SLC4A4: variants seen among roughly 807,000 people sequenced by gnomAD.
SLC4A4 encodes electrogenic sodium bicarbonate cotransporter 1.
SLC4A4 carries 27 observed loss-of-function variants against 111.5 expected under a neutral mutation model. The observed-to-expected ratio is 0.24, with a 90% CI of 0.18 to 0.33. SLC4A4 has a LOEUF of 0.33. SLC4A4 is among the 10% of genes least tolerant of loss of function. The probability of loss-of-function intolerance (pLI) is 1.00; values close to 1 mark genes in which losing one functional copy is unlikely to be tolerated. For missense variants in SLC4A4, 909 were observed against 1,315.5 expected, an observed-to-expected ratio of 0.69 and a Z score of 4.78; for synonymous variants, 443 against 463.4, an observed-to-expected ratio of 0.96 and a Z score of 0.57.
At chr4:71,218,474 C>G (rs1021046527) in intron 1 of SLC4A4, among the ~76,000 whole-genome samples, 3 of 152,110 alleles carry the variant, frequency 2.0e-5, no homozygotes, top group Non-Finnish European at 4.4e-5. Flanking sequence ...GTTTGAAACT[C>G]AAAATGTATT....
At chr4:71,336,617 C>G (rs1728453863) in intron 3 of SLC4A4, among the ~76,000 whole-genome samples, 2 of 152,074 alleles carry the variant, frequency 1.3e-5, no homozygotes, top group Non-Finnish European at 2.9e-5. Context: ...GTCATGCTCT[C>G]TAAATGTGGA....
chr4:71,533,996 A>C (rs1453450), intron 17 of SLC4A4, among the ~76,000 whole-genome samples: 118,925 of 152,042 alleles, frequency 0.78, 46,983 homozygotes, highest in Non-Finnish European at 0.84. Flanking sequence ...CCATTCACTT[A>C]TTTTCCAACA....
At position 71,168,999 on chromosome 4, in the gene SLC4A4, A is replaced by C. The variant is rs62302428; in HGVS notation, c.-1-67577A>C. The stretch of plus-strand genomic sequence containing the variant: ...GAGTGGGATTGCTGAATCATAAGGC[A>C]GCTCTATTTTTATTTATTTATTTAT... On this transcript the variant is annotated intron_variant, in intron 2 of 26. Coordinates refer to the SLC4A4 transcript ENST00000649996. 8.5e-3 allele frequency among the ~76,000 whole-genome samples: 1,291 copies of C among 151,876 alleles called. 12 individuals carry two copies. The highest frequency in any genetic ancestry group is 0.012 in the Non-Finnish European group (829 of 67,912).
chr4:71,230,474 C>T (rs1316283515), intron 1 of SLC4A4, among the ~76,000 whole-genome samples: 2 of 152,160 alleles, frequency 1.3e-5, no homozygotes, highest in Non-Finnish European at 2.9e-5. Context: ...TGGCTATGCA[C>T]CAGAAAGCTG....
intron 6 of SLC4A4, among the ~76,000 whole-genome samples, chr4:71,376,321 C>T (rs1732388585): frequency 6.6e-6 from 1 of 150,838 alleles, no homozygotes; most frequent in Non-Finnish European, 1.5e-5. Context: ...CCTGCCTCAG[C>T]CTCCCAAGTA....
In SLC4A4 at chr4:71,503,456, T is replaced by C. The variant is rs553696519; in HGVS notation, c.2166+5764T>C. On this transcript the variant is annotated intron_variant, in intron 16 of 25. Transcript: ENST00000264485. ...TTGTTTCTTTTCCCTTTCTCATGTG[T>C]TTATCAGCTGTAATTTCTATCTTTG... is the stretch of plus-strand genomic sequence containing the variant. Among the ~76,000 whole-genome samples, 3 of 152,240 alleles carry C rather than the reference T, an allele frequency of 2.0e-5. No individual in the cohort carries two copies. The South Asian group carries it at 6.2e-4, about 32-fold the overall frequency.
rs1174702838 is a variant in SLC4A4, at chr4:71,107,829, G to A, written c.-2+15037G>A. ...CTTAAGCAATCCTCCTGCCTCAGCC[G>A]CCTGAGTAGCTGGGACTACAGGCAA... On this transcript the variant is annotated intron_variant, in intron 2 of 26. Transcript: ENST00000649996. Among the ~76,000 whole-genome samples the A allele has an allele frequency of 6.0e-5, 9 of 151,194 alleles. No individual in the cohort carries two copies. The South Asian group carries it at 1.1e-3, about 18-fold the overall frequency.
At chr4:71,189,204 G>A (rs928305620) in intron 1 of SLC4A4, among the ~76,000 whole-genome samples, 4 of 152,170 alleles carry the variant, frequency 2.6e-5, no homozygotes, top group African/African-American at 9.7e-5. Context: ...TTCAGAATGA[G>A]GGTTTTGGTG....
chr4:71,157,179 G>A (rs1404032990), intron 2 of SLC4A4, among the ~76,000 whole-genome samples: 2 of 152,138 alleles, frequency 1.3e-5, no homozygotes, highest in Non-Finnish European at 2.9e-5. Flanking sequence ...GAATTCTTGA[G>A]GCAAAGTTGA....
chr4:71,332,808 G>A (rs1256593394), intron 3 of SLC4A4, among the ~76,000 whole-genome samples: 1 of 152,212 alleles, frequency 6.6e-6, no homozygotes, highest in Non-Finnish European at 1.5e-5. Flanking sequence ...AGACTCTGAT[G>A]CATCCTTCGG....
chr4:71,161,748 A>C (rs972336983), intron 2 of SLC4A4, among the ~76,000 whole-genome samples: 18 of 152,194 alleles, frequency 1.2e-4, no homozygotes, highest in Admixed American at 1.0e-3. Context: ...AGATAATTAA[A>C]TGCTGTAGGT....
At chr4:71,349,193 G>T (rs1310830015) in intron 4 of SLC4A4, among the ~76,000 whole-genome samples, 1 of 152,148 alleles carries the variant, frequency 6.6e-6, no homozygotes, top group Non-Finnish European at 1.5e-5. Context: ...AAAGAGGGTT[G>T]TTCCATCGCT....
At chr4:71,128,351 C>T (rs757290705) in intron 2 of SLC4A4, among the ~76,000 whole-genome samples, 8 of 152,134 alleles carry the variant, frequency 5.3e-5, no homozygotes, top group Admixed American at 2.6e-4. Context: ...AAGACCCGCC[C>T]CCATGATTCA....
chr4:71,313,549 G>A lies in SLC4A4; in HGVS notation c.254-25821G>A, dbSNP rs1360145657. On this transcript the variant is annotated intron_variant, in intron 3 of 25. Transcript: ENST00000264485. ...CTACAAGGCTACAGTAACCAAAACA[G>A]CATGTTACTGATACCAAAACAGATA... is the stretch of plus-strand genomic sequence containing the variant. Among the ~76,000 whole-genome samples, 9 of 152,168 alleles carry A rather than the reference G, an allele frequency of 5.9e-5. 1 individual carries two copies. In the South Asian group the frequency reaches 1.7e-3, roughly 28 times the overall value.
chr4:71,472,257 A>G (rs954198765), intron 13 of SLC4A4, among the ~76,000 whole-genome samples: 6 of 151,782 alleles, frequency 4.0e-5, no homozygotes, highest in African/African-American at 1.5e-4. Context: ...ACATTTATCG[A>G]TTTGTTTCCC....
intron 16 of SLC4A4, among the ~76,000 whole-genome samples, chr4:71,527,951 A>G (rs1733570102): frequency 6.6e-6 from 1 of 152,068 alleles, no homozygotes; most frequent in African/African-American, 2.4e-5. Context: ...ACTCTGGAAC[A>G]CTGCAATCTC....
intron 12 of SLC4A4, among the ~76,000 whole-genome samples, chr4:71,460,203 A>G (rs1726691721): frequency 6.6e-6 from 1 of 151,818 alleles, no homozygotes; most frequent in Admixed American, 6.6e-5. Context: ...TCTTCTTTTC[A>G]TGATATATTT....
rs1553900734 is a variant in SLC4A4, at chr4:71,376,156, T to TATACACAC, written c.730+18970_730+18971insTACACACA. On this transcript the variant is annotated intron_variant, in intron 6 of 25. Coordinates refer to ENST00000264485, the MANE Select transcript of SLC4A4 (RefSeq NM_001098484.3). ...ACATACACATATATACCTGTATATATACACACACACACACACACACACACA... is the reference window on the plus strand; with the variant it reads ...ACATACACATATATACCTGTATATATATACACACACACACACACACACACACACACACA... Among the ~76,000 whole-genome samples, 907 of 135,534 alleles carry TATACACAC rather than the reference T, an allele frequency of 6.7e-3. 12 individuals carry two copies. Among genetic ancestry groups the TATACACAC allele is most frequent in the Middle Eastern group, 0.035 (9 of 258 alleles). The allele number at this position is 135,534 out of a possible 152,430, so 88.9% of individuals were successfully genotyped here.
At chr4:71,189,402 G>T (rs894907080) in intron 1 of SLC4A4, among the ~76,000 whole-genome samples, 1 of 152,166 alleles carries the variant, frequency 6.6e-6, no homozygotes, top group East Asian at 1.9e-4. Context: ...ATGATTAAGA[G>T]ACATTTTGGA....
Sources: gnomAD v4.1 joint callset for allele counts (sites outside exome capture counted in the v4.1 genomes callset) on GRCh38, gnomAD v4.1.1 for gene constraint, MANE v1.5 for transcripts, NCBI Gene and HGNC (gene_info 2026-07-23, HGNC 2026-07-21) for gene names.